The following SLC13A1 variants were observed in gnomAD, a reference collection of about 807,000 sequenced individuals.
SLC13A1 encodes solute carrier family 13 member 1, also known as Na(+)/sulfate cotransporter.
Under a neutral mutation model 70.0 loss-of-function variants are expected in SLC13A1, and 65 were observed. The ratio of observed to expected loss-of-function variants is 0.93; its 90% CI spans 0.76 to 1.14. The LOEUF (loss-of-function observed/expected upper bound fraction) is 1.14. Ranked by LOEUF, SLC13A1 falls within the 50% of genes most tolerant of loss-of-function variation. The probability of loss-of-function intolerance (pLI) is 0.00; values close to 1 mark genes in which losing one functional copy is unlikely to be tolerated. For synonymous variants in SLC13A1, 275 were observed against 250.5 expected (o/e 1.10, Z -0.92); for missense variants, 726 against 717.8 (o/e 1.01, Z -0.13).
In SLC13A1 at chr7:123,115,610, T is replaced by C; in HGVS notation, c.1696A>G (p.Met566Val). ...GVNIVGVAVV[M>V]LGICTWIVPM... ...ACAATCCAAGTACATATGCCAAGCA[T>C]AACCACAGCAACACCAACAATGTTG... Residue 566 changes from methionine to valine, a missense_variant, in exon 15 of 15, where the codon ATG becomes GTG. Coordinates refer to ENST00000194130, the MANE Select transcript of SLC13A1 (RefSeq NM_022444.4). The C allele has an allele frequency of 1.9e-6, 3 of 1,613,896 alleles. No homozygotes were observed. Among genetic ancestry groups the C allele is most frequent in the Non-Finnish European group, 2.5e-6 (3 of 1,179,822 alleles).
chr7:123,140,533 C>T (rs1794099892), intron 7 of SLC13A1, among the ~76,000 whole-genome samples: 1 of 151,998 alleles, frequency 6.6e-6, no homozygotes, highest in Non-Finnish European at 1.5e-5. Context: ...TGGAAGGATT[C>T]AGCAGTGAAG....
In SLC13A1 at chr7:123,125,745, G is replaced by T. The variant is rs1357923790; in HGVS notation, c.1134-70C>A. The T allele has an allele frequency of 3.7e-6, 4 of 1,066,790 alleles. No individual in the cohort carries two copies. The Admixed American group carries it at 7.4e-5, about 20-fold the overall frequency. The allele number at this position is 1,066,790 out of a possible 1,614,324, so 66.1% of individuals were successfully genotyped here. On this transcript the variant is annotated intron_variant, in intron 10 of 14. Transcript: ENST00000194130. Reference sequence around the variant, plus strand: ...TTAAATGAGCTAAAACACCAATTTTGCTAATAACATATCAGTAATAGGTTA... The same window carrying T: ...TTAAATGAGCTAAAACACCAATTTTTCTAATAACATATCAGTAATAGGTTA...
At chr7:123,127,380 G>T (rs180742643) in intron 10 of SLC13A1, among the ~76,000 whole-genome samples, 2 of 152,122 alleles carry the variant, frequency 1.3e-5, no homozygotes, top group Non-Finnish European at 1.5e-5. Context: ...TGGGATTTCT[G>T]CCTGGGCTTT....
Position 123,199,933 on chromosome 7 carries a change from C to T in SLC13A1, c.14G>A (p.Ser5Asn). 6.2e-7 allele frequency: 1 copy of T among 1,612,592 alleles called. No individual in the cohort carries two copies. Among genetic ancestry groups the T allele is most frequent in the Non-Finnish European group, 8.5e-7 (1 of 1,179,004 alleles). Residue 5 changes from serine to asparagine, a missense_variant, in exon 1 of 15, where the codon AGT becomes AAT. Ser to Asn is a conservative substitution (Grantham distance 46). Coordinates refer to ENST00000194130, the MANE Select transcript of SLC13A1 (RefSeq NM_022444.4). MKFF[S>N]YILVYRRFLF... ...AAATCGGCGATAAACCAGAATGTAA[C>T]TGAAGAATTTCATTGTCCTGAGCAG...
chr7:123,164,226 A>C (rs1795002767), intron 6 of SLC13A1, among the ~76,000 whole-genome samples: 1 of 151,942 alleles, frequency 6.6e-6, no homozygotes, highest in Admixed American at 6.6e-5. Flanking sequence ...TTCTTAACTA[A>C]TATTACTGTC....
chr7:123,129,477 T>C lies in SLC13A1; in HGVS notation c.937A>G (p.Lys313Glu). 2 of 1,612,244 alleles carry C rather than the reference T, an allele frequency of 1.2e-6. No homozygotes were observed. Among genetic ancestry groups the C allele is most frequent in the Non-Finnish European group, 1.7e-6 (2 of 1,178,570 alleles). The change falls in exon 9 of 15, where the codon AAG becomes GAG. Residue 313 changes from lysine to glutamate, a missense_variant. By Grantham distance (56) the Lys-to-Glu change is moderately conservative. Transcript: ENST00000194130. ...LQWLFLGFNF[K>E]EMFKCGKTKT... The stretch of plus-strand genomic sequence containing the variant: ...GTTTTGCCACATTTGAACATCTCCT[T>C]AAAACTGCAAAGAATAATTAAGCCT...
chr7:123,181,145 G>T, intron 1 of SLC13A1, 44 bp from the exon 2 acceptor site: 1 of 1,588,002 alleles, frequency 6.3e-7, no homozygotes, highest in South Asian at 1.1e-5. Context: ...TTATGAGGCT[G>T]GAGAAGTCAA....
chr7:123,123,150 C>T lies in SLC13A1; in HGVS notation c.1326G>A (p.Gly442=), dbSNP rs989670974. Residue 442 remains glycine (G), a synonymous_variant, in exon 12 of 15, where the codon GGG becomes GGA. Transcript: ENST00000194130. The stretch of plus-strand genomic sequence containing the variant: ...CCTCACAACCATCTGCCAGGGCAAA[C>T]CCTCCACCAACAAGAATGGCTATAT... ...PWDIAILVGG[G]FALADGCEES... The T allele has an allele frequency of 1.9e-6, 3 of 1,613,110 alleles. No individual in the cohort carries two copies. The highest frequency in any genetic ancestry group is 2.5e-6 in the Non-Finnish European group (3 of 1,179,322).
intron 6 of SLC13A1, among the ~76,000 whole-genome samples, chr7:123,149,131 G>T (rs1377708664): frequency 1.3e-5 from 2 of 152,046 alleles, no homozygotes; most frequent in Admixed American, 6.6e-5. Flanking sequence ...GCATGTGATA[G>T]TCTACCTGGT....
intron 1 of SLC13A1, among the ~76,000 whole-genome samples, chr7:123,185,354 T>C (rs1795764803): frequency 6.6e-6 from 1 of 152,084 alleles, no homozygotes; most frequent in African/African-American, 2.4e-5. Context: ...AAACTCATTG[T>C]CTAGGTCAAT....
chr7:123,160,534 A>G lies in SLC13A1; in HGVS notation c.660+7840T>C, dbSNP rs1308309033. Among the ~76,000 whole-genome samples the G allele has an allele frequency of 2.0e-5, 3 of 152,176 alleles. 1 individual carries two copies. The East Asian group carries it at 5.8e-4, about 29-fold the overall frequency. On this transcript the variant is annotated intron_variant, in intron 6 of 14. Coordinates refer to ENST00000194130, the MANE Select transcript of SLC13A1 (RefSeq NM_022444.4). ...AAAACAGTCTCATCAGTTGCTGAAT[A>G]AAAAGAGACAAAACTTGGTCAGAGC...
At chr7:123,133,418 C>A (rs1793835357) in intron 8 of SLC13A1, among the ~76,000 whole-genome samples, 1 of 152,156 alleles carries the variant, frequency 6.6e-6, no homozygotes, top group African/African-American at 2.4e-5. Flanking sequence ...AGGGGCAAAC[C>A]TTAAAATTCC....
chr7:123,119,050 A>C (rs1793275810), intron 13 of SLC13A1, 31 bp downstream of exon 13: 1 of 1,586,836 alleles, frequency 6.3e-7, no homozygotes, highest in South Asian at 1.1e-5. Flanking sequence ...CTCTTAATGA[A>C]GAGTAAAAAG....
intron 7 of SLC13A1, among the ~76,000 whole-genome samples, chr7:123,143,363 C>T (rs1794227621): frequency 6.6e-6 from 1 of 152,106 alleles, no homozygotes; most frequent in Non-Finnish European, 1.5e-5. Context: ...GGCCCCAGAA[C>T]ACTTTAGCCC....
rs1025848435 is a variant in SLC13A1 at position 123,149,067 on chromosome 7, A to G, written c.661-1757T>C. Among the ~76,000 whole-genome samples the G allele has an allele frequency of 1.3e-4, 20 of 152,236 alleles. No homozygotes were observed. In the East Asian group the frequency reaches 2.5e-3, roughly 19 times the overall value. On this transcript the variant is annotated intron_variant, in intron 6 of 14. Transcript: ENST00000194130. ...AGAACATCAGATTGTTGTTCTTTCT[A>G]TGTAGGTAACACACATCTTCTGCCT...
At chr7:123,185,281 T>A (rs768759596) in intron 1 of SLC13A1, among the ~76,000 whole-genome samples, 5 of 152,136 alleles carry the variant, frequency 3.3e-5, no homozygotes, top group Non-Finnish European at 5.9e-5. Flanking sequence ...GTTTTATTAG[T>A]ATAATGTAAT....
intron 1 of SLC13A1, among the ~76,000 whole-genome samples, chr7:123,183,299 A>G (rs1302823644): frequency 6.6e-6 from 1 of 152,168 alleles, no homozygotes; most frequent in African/African-American, 2.4e-5. Flanking sequence ...ATTTAATGTT[A>G]AAAAATAAAG....
intron 2 of SLC13A1, 112 bp from the exon 3 acceptor site, chr7:123,172,016 T>A: frequency 1.1e-6 from 1 of 933,026 alleles, no homozygotes; most frequent in Non-Finnish European, 1.6e-6. Context: ...GCATAATCTT[T>A]CCATTTTGTT....
chr7:123,155,487 CTCT>C (rs1225949809), intron 6 of SLC13A1, among the ~76,000 whole-genome samples: 2 of 151,534 alleles, frequency 1.3e-5, no homozygotes, highest in East Asian at 1.9e-4. Context: ...TTTTTATAGT[CTCT>C]TCTTCTTGCA....
Sources: gnomAD v4.1 joint callset for allele counts (sites outside exome capture counted in the v4.1 genomes callset) on GRCh38, gnomAD v4.1.1 for gene constraint, MANE v1.5 for transcripts, NCBI Gene and HGNC (gene_info 2026-07-23, HGNC 2026-07-21) for gene names.